Variants in EPHA2 observed in about 807,000 individuals in gnomAD.
EPHA2 encodes the protein ephrin type-A receptor 2.
In EPHA2, 54 loss-of-function variants were observed where a neutral mutation model predicts 104.9. The observed-to-expected ratio is 0.51, with a 90% CI of 0.41 to 0.65. The LOEUF (loss-of-function observed/expected upper bound fraction) is 0.65, where lower values mean the gene tolerates loss of function less well. Ranked by LOEUF, EPHA2 falls within the 30% of genes least tolerant of loss-of-function variation. The pLI is 0.00. For synonymous variants in EPHA2, 560 were observed against 559.1 expected, an observed-to-expected ratio of 1.00 and a Z score of -0.02; for missense variants, 1,117 against 1,369.5, an observed-to-expected ratio of 0.82 and a Z score of 2.91.
rs901096694 is a variant in EPHA2, at chr1:16,131,271, C to A, written c.2475+450G>T. 4.6e-5 allele frequency among the ~76,000 whole-genome samples: 7 copies of A among 152,288 alleles called. No homozygotes were observed. In the South Asian group the frequency reaches 1.0e-3, roughly 23 times the overall value. ...GGAACCCAGCACAAGGCCTGGCACG[C>A]AGTAGATCCTCAAGAAATATTTACG... On this transcript the variant is annotated intron_variant, in intron 14 of 16. Coordinates refer to ENST00000358432, the MANE Select transcript of EPHA2 (RefSeq NM_004431.5). The surrounding 1 kb of genome is among the most constrained non-coding windows in gnomAD (Gnocchi z 5.2).
chr1:16,154,511 T>C (rs1461887334), intron 1 of EPHA2, among the ~76,000 whole-genome samples: 1 of 151,900 alleles, frequency 6.6e-6, no homozygotes, highest in Non-Finnish European at 1.5e-5. Flanking sequence ...CGCAGCACTT[T>C]GGGAGGCCGC....
chr1:16,126,737 T>C (rs2024475976), intron 16 of EPHA2, among the ~76,000 whole-genome samples: 1 of 152,170 alleles, frequency 6.6e-6, no homozygotes. Flanking sequence ...CGATTTGCAG[T>C]TCCGCAGGTG....
rs985415362 is a variant in EPHA2, at chr1:16,124,412, T to C, written c.*803A>G. On this transcript the variant is annotated 3_prime_UTR_variant, in exon 17 of 17. Transcript: ENST00000358432. ...CTAACAATAAATATAAAAAAAATAA[T>C]AAATTAAGATTCGAAAAAAATGTCC... is the stretch of plus-strand genomic sequence containing the variant. 6.6e-6 allele frequency: 1 copy of C among 152,470 alleles called. No homozygotes were observed. The highest frequency in any genetic ancestry group is 2.4e-5 in the African/African-American group (1 of 41,410). 9.4% of individuals were successfully genotyped at this position (152,470 alleles called of 1,614,324 possible). A position where few individuals can be genotyped will look rare whatever the true frequency, so the allele number is the denominator to read the frequency against.
In EPHA2 at chr1:16,138,037, G is replaced by A. The variant is rs779516824; in HGVS notation, c.1128C>T (p.Cys376=). The A allele has an allele frequency of 2.3e-5, 37 of 1,613,022 alleles. No individual in the cohort carries two copies. Among genetic ancestry groups the A allele is most frequent in the Admixed American group, 3.3e-5 (2 of 59,982 alleles). ...CEQCWPESGE[C]GPCEASVRYS... ...AGCGCACACTGGCCTCACACGGCCC[G>A]CATTCCCCAGACTCGGGCCAGCACT... The change falls in exon 5 of 17, where the codon TGC becomes TGT. Residue 376 remains cysteine (C), a synonymous_variant. Transcript: ENST00000358432.
intron 3 of EPHA2, among the ~76,000 whole-genome samples, chr1:16,146,888 T>C (rs72889726): frequency 1.3e-3 from 192 of 152,338 alleles, no homozygotes; most frequent in African/African-American, 4.2e-3. Flanking sequence ...TTGAACTTTC[T>C]CATTTTACTC....
intron 16 of EPHA2, among the ~76,000 whole-genome samples, chr1:16,127,899 G>A (rs1229507071): frequency 6.6e-6 from 1 of 152,216 alleles, no homozygotes; most frequent in Non-Finnish European, 1.5e-5. Context: ...AGCACCCTGG[G>A]CTATTTAGGG....
rs776351694 is a variant in EPHA2, at chr1:16,137,914, G to T, written c.1251C>A (p.Gly417=). Residue 417 remains glycine (G), a synonymous_variant, in exon 5 of 17, where the codon GGC becomes GGA. Coordinates refer to ENST00000358432, the MANE Select transcript of EPHA2 (RefSeq NM_004431.5). ...TGCGGCTGGTTACCAGGCCTGAGAC[G>T]CCATTGCGGGCCTCCACGGTGAAGG... The part of the protein sequence containing the change: ...NYTFTVEARN[G]VSGLVTSRSF... The T allele has an allele frequency of 6.2e-7, 1 of 1,614,014 alleles. No individual in the cohort carries two copies. The highest frequency in any genetic ancestry group is 8.5e-7 in the Non-Finnish European group (1 of 1,180,032).
At chr1:16,137,597 CA>C (rs979527955) in intron 5 of EPHA2, among the ~76,000 whole-genome samples, 10 of 151,434 alleles carry the variant, frequency 6.6e-5, no homozygotes, top group Admixed American at 3.3e-4. Flanking sequence ...GACTCTGTCT[CA>C]AAAAAAAGGG....
intron 3 of EPHA2, 143 bp from the exon 4 acceptor site, chr1:16,138,573 A>G: frequency 7.8e-7 from 1 of 1,277,610 alleles, no homozygotes; most frequent in South Asian, 1.3e-5. Flanking sequence ...TCATCGGCAA[A>G]ATGTCTTGTG....
intron 5 of EPHA2, among the ~76,000 whole-genome samples, chr1:16,137,246 T>C (rs1189808354): frequency 6.6e-6 from 1 of 151,258 alleles, no homozygotes; most frequent in African/African-American, 2.4e-5. Context: ...AATGGAAGAA[T>C]GGTCTTGGGC....
intron 1 of EPHA2, chr1:16,153,143 CA>C (rs2025075791): frequency 1.0e-6 from 1 of 983,792 alleles, no homozygotes; most frequent in Non-Finnish European, 1.2e-6. Context: ...AAAAAAAAAG[CA>C]AAAAACACCT....
intron 3 of EPHA2, 127 bp from the exon 4 acceptor site, chr1:16,138,557 G>T: frequency 7.2e-7 from 1 of 1,387,226 alleles, no homozygotes. Context: ...CTATGGACCT[G>T]TTTTCTCATC....
At chr1:16,155,813 C>CG (rs1366343888) in intron 1 of EPHA2, 35 bp downstream of exon 1, 5 of 1,370,752 alleles carry the variant, frequency 3.6e-6, no homozygotes, top group Non-Finnish European at 4.7e-6. Context: ...CACTGGGGCC[C>CG]GGGGGCCAGG....
At chr1:16,153,092 A>C in intron 1 of EPHA2, 1 of 980,634 alleles carries the variant, frequency 1.0e-6, no homozygotes, top group East Asian at 1.1e-4. Context: ...GGGCTTATCC[A>C]TGAGCTCTCT....
intron 3 of EPHA2, among the ~76,000 whole-genome samples, chr1:16,142,689 G>A (rs1278693869): frequency 6.6e-6 from 1 of 150,646 alleles, no homozygotes; most frequent in Non-Finnish European, 1.5e-5. Context: ...GGGATGGATG[G>A]GTGGGTGGGT....
At chr1:16,138,467 A>T in intron 3 of EPHA2, 37 bp from the exon 4 acceptor site, 1 of 1,612,676 alleles carries the variant, frequency 6.2e-7, no homozygotes, top group Non-Finnish European at 8.5e-7. Flanking sequence ...CAAGGACATC[A>T]GTTCAATCTG....
At chr1:16,129,630 A>G in intron 15 of EPHA2, 41 bp from the exon 16 acceptor site, 1 of 1,587,170 alleles carries the variant, frequency 6.3e-7, no homozygotes, top group East Asian at 2.3e-5. Flanking sequence ...TGCAGCACCC[A>G]GTCCACCCTG....
chr1:16,152,840 T>C (rs2025068660), intron 1 of EPHA2, among the ~76,000 whole-genome samples: 1 of 152,074 alleles, frequency 6.6e-6, no homozygotes, highest in Admixed American at 6.5e-5. Context: ...AAAGAAGCCC[T>C]CACACAGGAA....
chr1:16,132,997 G>A, intron 11 of EPHA2, 183 bp downstream of exon 11: 6 of 745,086 alleles, frequency 8.1e-6, no homozygotes, highest in Non-Finnish European at 1.3e-5. Flanking sequence ...ATGGGGGGAA[G>A]GTGGGCACAG....
Sources: gnomAD v4.1 joint callset for allele counts (sites outside exome capture counted in the v4.1 genomes callset) on GRCh38, gnomAD v4.1.1 for gene constraint, Gnocchi (gnomAD v3.1) non-coding constraint, MANE v1.5 for transcripts, NCBI Gene and HGNC (gene_info 2026-07-23, HGNC 2026-07-21) for gene names.